The following MTMR14 variants were observed in gnomAD, a reference collection of about 807,000 sequenced individuals.
MTMR14 encodes the protein myotubularin related protein 14.
Under a neutral mutation model 86.3 loss-of-function variants are expected in MTMR14, and 48 were observed. The ratio of observed to expected loss-of-function variants is 0.56; its 90% CI spans 0.44 to 0.71. MTMR14 has a LOEUF of 0.71. Ranked by LOEUF, MTMR14 falls within the 30% of genes least tolerant of loss-of-function variation. MTMR14 has a pLI of 0.00. For missense variants in MTMR14, 780 were observed against 834.6 expected, an observed-to-expected ratio of 0.93 and a Z score of 0.81; for synonymous variants, 366 against 326.1, an observed-to-expected ratio of 1.12 and a Z score of -1.32.
chr3:9,651,175 T>TA (rs2047265706), intron 1 of MTMR14, among the ~76,000 whole-genome samples: 1 of 151,994 alleles, frequency 6.6e-6, no homozygotes, highest in African/African-American at 2.4e-5. Flanking sequence ...AACCATGACT[T>TA]ACTGCAGCCT....
At chr3:9,680,114 C>G (rs2075711619) in intron 9 of MTMR14, among the ~76,000 whole-genome samples, 1 of 152,222 alleles carries the variant, frequency 6.6e-6, no homozygotes. Flanking sequence ...TCACACATGT[C>G]CCTTCAGGCG....
At chr3:9,671,596 C>T (rs543808857) in intron 6 of MTMR14, among the ~76,000 whole-genome samples, 13 of 150,062 alleles carry the variant, frequency 8.7e-5, no homozygotes, top group Non-Finnish European at 1.9e-4. Flanking sequence ...AGCAGTCCTC[C>T]TGCCTCAGCT....
chr3:9,690,368 A>T (rs1369600950), intron 17 of MTMR14, among the ~76,000 whole-genome samples: 1 of 152,226 alleles, frequency 6.6e-6, no homozygotes, highest in African/African-American at 2.4e-5. Flanking sequence ...AGGGGAACCC[A>T]GAAGTGCCGT....
chr3:9,658,648 T>C (rs1216210122), intron 2 of MTMR14, among the ~76,000 whole-genome samples: 2 of 152,262 alleles, frequency 1.3e-5, no homozygotes, highest in Non-Finnish European at 2.9e-5. Context: ...TCTGTGACTT[T>C]GGGCTAGAGA....
At position 9,690,678 on chromosome 3, in the gene MTMR14, G is replaced by C. The variant is rs551515127; in HGVS notation, c.1613+535G>C. On this transcript the variant is annotated intron_variant, in intron 17 of 18. Transcript: ENST00000296003. ...GGGCGCTGCAGGAATGGTGCCTCCT[G>C]GGTGAGTTTAAAGCTGAGCACAGGC... Among the ~76,000 whole-genome samples the C allele has an allele frequency of 2.0e-5, 3 of 152,352 alleles. No individual in the cohort carries two copies. The East Asian group carries it at 5.8e-4, about 29-fold the overall frequency.
At chr3:9,675,745 C>T (rs2075549006) in intron 7 of MTMR14, 1 of 456,012 alleles carries the variant, frequency 2.2e-6, no homozygotes, top group Non-Finnish European at 4.4e-6. Flanking sequence ...GCTTCTGCAT[C>T]ATAGGCGGGT....
chr3:9,657,022 C>A (rs1457708865), intron 2 of MTMR14, among the ~76,000 whole-genome samples: 1 of 151,826 alleles, frequency 6.6e-6, no homozygotes, highest in Non-Finnish European at 1.5e-5. Flanking sequence ...AAGTGATTCT[C>A]CCACCTCAGC....
chr3:9,701,821 C>T lies in MTMR14; in HGVS notation c.1801C>T (p.Leu601=). The change falls in exon 19 of 19, where the codon CTG becomes TTG. Residue 601 remains leucine (L), a synonymous_variant. Coordinates refer to ENST00000296003, the MANE Select transcript of MTMR14 (RefSeq NM_001077525.3). The surrounding 1 kb of genome is among the most constrained non-coding windows in gnomAD (Gnocchi z 4.2). The part of the protein sequence containing the change: ...LAALSDRETR[L]QEVRSAFLAA... ...AGCCCTGAGTGATCGAGAGACTCGG[C>T]TGCAGGAGGTGCGCTCAGCCTTCTT... is the stretch of plus-strand genomic sequence containing the variant. 6 of 1,613,776 alleles carry T rather than the reference C, an allele frequency of 3.7e-6. No individual in the cohort carries two copies. Among genetic ancestry groups the T allele is most frequent in the Non-Finnish European group, 5.1e-6 (6 of 1,180,036 alleles).
intron 2 of MTMR14, among the ~76,000 whole-genome samples, chr3:9,661,623 C>G (rs1161202523): frequency 6.6e-6 from 1 of 152,114 alleles, no homozygotes; most frequent in African/African-American, 2.4e-5. Context: ...GTCCCTAGGG[C>G]ACCAGGTCTT....
At chr3:9,694,329 CT>C (rs35698808) in intron 17 of MTMR14, among the ~76,000 whole-genome samples, 28,709 of 152,048 alleles carry the variant, frequency 0.19, 3,413 homozygotes, top group African/African-American at 0.32. Context: ...TCAGGCCCCC[CT>C]CCCGTAAGTT....
At chr3:9,682,943 C>T (rs970200384) in intron 9 of MTMR14, among the ~76,000 whole-genome samples, 12 of 151,486 alleles carry the variant, frequency 7.9e-5, no homozygotes, top group Non-Finnish European at 1.3e-4. Context: ...GCCCCCCCCC[C>T]GCCCCCGCCC....
At chr3:9,663,551 C>T (rs1035395801) in intron 3 of MTMR14, among the ~76,000 whole-genome samples, 1 of 117,460 alleles carries the variant, frequency 8.5e-6, no homozygotes, top group African/African-American at 3.2e-5. Context: ...TCTTGCTCTG[C>T]TGCCCAGGCT....
At chr3:9,689,851 C>T (rs911929175) in intron 16 of MTMR14, 113 bp from the exon 17 acceptor site, 1 of 1,071,916 alleles carries the variant, frequency 9.3e-7, no homozygotes, top group Non-Finnish European at 1.4e-6. Flanking sequence ...TTTGCCAACT[C>T]ATGTGATGTT....
In MTMR14 at chr3:9,649,740, A is replaced by G. The variant is rs775261453; in HGVS notation, c.157A>G (p.Lys53Glu). The G allele has an allele frequency of 8.1e-6, 13 of 1,613,256 alleles. No homozygotes were observed. The change falls in exon 1 of 19, where the codon AAG becomes GAG. Residue 53 changes from lysine (K) to glutamate (E), a missense_variant and splice_region_variant. Lys to Glu is a moderately conservative substitution (Grantham distance 56). Coordinates refer to ENST00000296003, the MANE Select transcript of MTMR14 (RefSeq NM_001077525.3). ...AKDGSGTGGSKVERIEKRCLE... is the reference protein window; with the variant it reads ...AKDGSGTGGSEVERIEKRCLE... ...GGATGGCAGCGGGACCGGCGGCTCT[A>G]AGGTGAGATTGGAGGTGCGATGAGC... is the stretch of plus-strand genomic sequence containing the variant.
Position 9,663,501 on chromosome 3 carries a change from C to CTTTT in MTMR14, c.417+1149_417+1152dup, listed in dbSNP as rs4021721. Among the ~76,000 whole-genome samples, 103 of 69,972 alleles carry CTTTT rather than the reference C, an allele frequency of 1.5e-3. 9 individuals are homozygous for CTTTT. Among genetic ancestry groups the CTTTT allele is most frequent in the Non-Finnish European group, 2.2e-3 (76 of 34,290 alleles). 45.9% of individuals were successfully genotyped at this position (69,972 alleles called of 152,430 possible). On this transcript the variant is annotated intron_variant, in intron 3 of 18. Transcript: ENST00000296003. ...TTTTTTTTTGAGATGGAGTCTCTCT[C>CTTTT]TTTTTTTTTTTTTTTTTTTTTTTTT...
intron 16 of MTMR14, 55 bp from the exon 17 acceptor site, chr3:9,689,909 A>C (rs2076084785): frequency 4.5e-6 from 7 of 1,539,926 alleles, no homozygotes; most frequent in Non-Finnish European, 6.2e-6. Context: ...GAGGGTGGGC[A>C]GAGGGCTTTG....
intron 16 of MTMR14, among the ~76,000 whole-genome samples, chr3:9,689,704 G>C (rs146205500): frequency 1.9e-3 from 297 of 152,338 alleles, no homozygotes; most frequent in Non-Finnish European, 3.2e-3. Flanking sequence ...ATGGAGGTGG[G>C]CAGTGACTGA....
intron 1 of MTMR14, among the ~76,000 whole-genome samples, chr3:9,651,369 C>A (rs1046029963): frequency 1.3e-5 from 2 of 152,218 alleles, no homozygotes; most frequent in East Asian, 3.9e-4. Flanking sequence ...CCCCAAAATG[C>A]TGGGATTACA....
chr3:9,681,410 C>A (rs2075764313), intron 9 of MTMR14, among the ~76,000 whole-genome samples: 1 of 152,146 alleles, frequency 6.6e-6, no homozygotes, highest in Admixed American at 6.5e-5. Flanking sequence ...TTAGAGATGC[C>A]AAAACAGCCT....
Sources: gnomAD v4.1 joint callset for allele counts (sites outside exome capture counted in the v4.1 genomes callset) on GRCh38, gnomAD v4.1.1 for gene constraint, Gnocchi (gnomAD v3.1) non-coding constraint, MANE v1.5 for transcripts, NCBI Gene and HGNC (gene_info 2026-07-23, HGNC 2026-07-21) for gene names.